HERC3: variants seen among roughly 807,000 people sequenced by gnomAD.
HERC3 encodes the protein HECT and RLD domain containing E3 ubiquitin protein ligase 3.
Under a neutral mutation model 129.9 loss-of-function variants are expected in HERC3, and 58 were observed. The observed-to-expected ratio is 0.45, with a 90% CI of 0.36 to 0.56. HERC3 has a LOEUF of 0.56. Among genes scored for constraint, HERC3 ranks in the 20% least tolerant of loss-of-function variants. HERC3 has a pLI of 0.00. For missense variants in HERC3, 835 were observed against 1,244.2 expected (o/e 0.67, Z 4.95); for synonymous variants, 430 against 451.0 (o/e 0.95, Z 0.59).
the HERC3 span, among the ~76,000 whole-genome samples, chr4:88,526,951 CAA>C: frequency 1.3e-5 from 2 of 151,896 alleles, no homozygotes; most frequent in African/African-American, 4.8e-5. Context: ...GAAAAATTCG[CAA>C]AAAAGAAAAT....
intron 4 of HERC3, among the ~76,000 whole-genome samples, chr4:88,651,651 T>C (rs980245957): frequency 6.6e-6 from 1 of 152,204 alleles, no homozygotes; most frequent in Non-Finnish European, 1.5e-5. Flanking sequence ...CTACAACTGA[T>C]TGTGACAAGA....
At chr4:88,598,672 A>G (rs1165513675) in intron 2 of HERC3, among the ~76,000 whole-genome samples, 1 of 152,154 alleles carries the variant, frequency 6.6e-6, no homozygotes, top group African/African-American at 2.4e-5. Context: ...AATCCTCACA[A>G]CACTCTAGCA....
intron 3 of HERC3, among the ~76,000 whole-genome samples, chr4:88,637,152 A>G (rs1351410160): frequency 1.3e-5 from 2 of 150,774 alleles, no homozygotes; most frequent in African/African-American, 4.9e-5. Flanking sequence ...CAGGCCAGGC[A>G]TGGTGGCTCA....
the HERC3 span, among the ~76,000 whole-genome samples, chr4:88,584,405 G>A: frequency 3.3e-5 from 5 of 152,148 alleles, no homozygotes; most frequent in African/African-American, 1.2e-4. Flanking sequence ...CGGGGTGCAC[G>A]TTCCATTCCA....
At chr4:88,624,260 T>G (rs929882430) in intron 3 of HERC3, among the ~76,000 whole-genome samples, 8 of 152,228 alleles carry the variant, frequency 5.3e-5, no homozygotes, top group Non-Finnish European at 5.9e-5. Flanking sequence ...AGACATATGT[T>G]TTCATTTTTC....
chr4:88,703,829 GT>G (rs1180160462), intron 23 of HERC3, among the ~76,000 whole-genome samples: 1 of 152,178 alleles, frequency 6.6e-6, no homozygotes, highest in East Asian at 1.9e-4. Context: ...GGTAAAGCCA[GT>G]AGTTTAGTTC....
intron 3 of HERC3, among the ~76,000 whole-genome samples, chr4:88,641,641 G>A (rs1728101912): frequency 6.6e-6 from 1 of 152,154 alleles, no homozygotes; most frequent in East Asian, 1.9e-4. Flanking sequence ...AGGCCCTGCA[G>A]ACATTAAAAG....
the HERC3 span, among the ~76,000 whole-genome samples, chr4:88,569,840 C>T: frequency 1.3e-5 from 2 of 152,216 alleles, no homozygotes; most frequent in African/African-American, 2.4e-5. Context: ...CCAGCTCCTG[C>T]TCACATAGGG....
chr4:88,638,218 G>A (rs1727648717), intron 3 of HERC3, among the ~76,000 whole-genome samples: 1 of 152,152 alleles, frequency 6.6e-6, no homozygotes, highest in African/African-American at 2.4e-5. Flanking sequence ...TGAAAAGGAG[G>A]GACTCCTCTC....
intron 23 of HERC3, chr4:88,697,226 G>A: frequency 6.6e-7 from 1 of 1,521,494 alleles, no homozygotes; most frequent in African/African-American, 1.4e-5. Flanking sequence ...GCGTCATCAG[G>A]CATCTCGGCG....
chr4:88,594,730 T>C (rs953069390), intron 1 of HERC3, among the ~76,000 whole-genome samples: 3 of 152,194 alleles, frequency 2.0e-5, no homozygotes, highest in Non-Finnish European at 4.4e-5. Context: ...TCTTTTGAGA[T>C]ACTTTAGGTA....
At chr4:88,615,023 A>G (rs1260738817) in intron 3 of HERC3, among the ~76,000 whole-genome samples, 1 of 152,202 alleles carries the variant, frequency 6.6e-6, no homozygotes, top group Non-Finnish European at 1.5e-5. Context: ...TTCTATACCT[A>G]CACACATTAT....
At chr4:88,554,034 G>A in the HERC3 span, among the ~76,000 whole-genome samples, 2 of 152,134 alleles carry the variant, frequency 1.3e-5, no homozygotes, top group Non-Finnish European at 2.9e-5. Flanking sequence ...CTTGTTAATG[G>A]CAAACAATGC....
At chr4:88,619,354 G>T (rs1446878582) in intron 3 of HERC3, among the ~76,000 whole-genome samples, 1 of 152,162 alleles carries the variant, frequency 6.6e-6, no homozygotes, top group African/African-American at 2.4e-5. Flanking sequence ...GGTCAGTCAG[G>T]CATATGATAA....
intron 3 of HERC3, among the ~76,000 whole-genome samples, chr4:88,624,807 T>A (rs1488682754): frequency 6.6e-6 from 1 of 152,214 alleles, no homozygotes; most frequent in Non-Finnish European, 1.5e-5. Flanking sequence ...TTTTCCTAAG[T>A]TTTCTTCTTG....
rs560772783 is a variant in HERC3, at chr4:88,638,861, A to G, written c.227-10979A>G. Among the ~76,000 whole-genome samples, 13 of 152,300 alleles carry G rather than the reference A, an allele frequency of 8.5e-5. No individual in the cohort carries two copies. In the South Asian group the frequency reaches 2.5e-3, roughly 29 times the overall value. On this transcript the variant is annotated intron_variant, in intron 3 of 25. Transcript: ENST00000402738. Reference sequence around the variant, plus strand: ...AAAACGCCATCATCTCAGCCCAAAAATGCCTTGAGCCGATAAGCAACTTAG... The same window carrying G: ...AAAACGCCATCATCTCAGCCCAAAAGTGCCTTGAGCCGATAAGCAACTTAG...
chr4:88,549,702 T>C, the HERC3 span, among the ~76,000 whole-genome samples: 1 of 149,652 alleles, frequency 6.7e-6, no homozygotes, highest in Non-Finnish European at 1.5e-5. Context: ...ATTTTCTTTT[T>C]CTTTTTCTTT....
chr4:88,579,108 C>T, the HERC3 span, among the ~76,000 whole-genome samples: 3 of 151,914 alleles, frequency 2.0e-5, no homozygotes, highest in African/African-American at 4.8e-5. Context: ...GTGGGCTGGG[C>T]GCAGTGGCTC....
At chr4:88,703,068 G>A (rs76432068) in intron 23 of HERC3, among the ~76,000 whole-genome samples, 11,434 of 152,242 alleles carry the variant, frequency 0.075, 508 homozygotes, top group African/African-American at 0.093. Flanking sequence ...GGCCCAAATA[G>A]GCCAGGATGT....
Sources: allele counts gnomAD v4.1 joint callset (sites outside exome capture counted in the v4.1 genomes callset), GRCh38; gene constraint gnomAD v4.1.1; transcripts MANE v1.5; gene names NCBI Gene and HGNC (gene_info 2026-07-23, HGNC 2026-07-21).